The following MYRIP variants were observed in gnomAD, a reference collection of about 807,000 sequenced individuals.
MYRIP encodes myosin VIIA and Rab interacting protein, also known as rab effector MyRIP.
In MYRIP, 49 loss-of-function variants were observed where a neutral mutation model predicts 98.0. The ratio of observed to expected loss-of-function variants is 0.50; its 90% CI spans 0.40 to 0.63. MYRIP has a LOEUF of 0.63. Among genes scored for constraint, MYRIP ranks in the 30% least tolerant of loss-of-function variants. The pLI is 0.00. For synonymous variants in MYRIP, 404 were observed against 409.5 expected (o/e 0.99, Z 0.16); for missense variants, 1,004 against 1,058.2 (o/e 0.95, Z 0.71).
intron 2 of MYRIP, among the ~76,000 whole-genome samples, chr3:39,942,312 C>T (rs1236973100): frequency 5.9e-5 from 9 of 152,134 alleles, no homozygotes; most frequent in Admixed American, 5.2e-4. Context: ...AAGCAGTAAA[C>T]TCTTGGGACT....
At chr3:40,135,592 A>G (rs1486156810) in intron 3 of MYRIP, among the ~76,000 whole-genome samples, 3 of 152,240 alleles carry the variant, frequency 2.0e-5, no homozygotes, top group African/African-American at 7.2e-5. Context: ...CAGATTCACC[A>G]AACTTGAAAT....
At chr3:40,238,440 T>A (rs569587021) in intron 12 of MYRIP, among the ~76,000 whole-genome samples, 106 of 152,342 alleles carry the variant, frequency 7.0e-4, no homozygotes, top group Non-Finnish European at 1.1e-3. Context: ...TAAAGAACAG[T>A]CCTGCACTCC....
intron 3 of MYRIP, among the ~76,000 whole-genome samples, chr3:40,135,426 C>T (rs933322276): frequency 2.0e-5 from 3 of 152,152 alleles, no homozygotes; most frequent in Non-Finnish European, 2.9e-5. Flanking sequence ...CTGAAAGTGA[C>T]GGGAAGAATG....
intron 2 of MYRIP, among the ~76,000 whole-genome samples, chr3:39,903,556 G>A (rs1013393629): frequency 3.3e-5 from 5 of 152,126 alleles, no homozygotes; most frequent in Admixed American, 2.6e-4. Context: ...TGAATTAAGT[G>A]TCCTCAGAAC....
At position 40,210,743 on chromosome 3, in the gene MYRIP, C is replaced by T. The variant is rs908488475; in HGVS notation, c.1905+650C>T. ...ACTCCTCCTCCCCTTTTCCTACCCC[C>T]AGTAGGCCCCTGAGTTCCAAAGGAC... On this transcript the variant is annotated intron_variant, in intron 11 of 16. Coordinates refer to ENST00000302541, the MANE Select transcript of MYRIP (RefSeq NM_015460.4). 9.2e-5 allele frequency among the ~76,000 whole-genome samples: 14 copies of T among 152,302 alleles called. No homozygotes were observed. The East Asian group carries it at 2.3e-3, about 25-fold the overall frequency.
At chr3:39,900,198 C>T (rs938190268) in intron 1 of MYRIP, among the ~76,000 whole-genome samples, 1 of 152,168 alleles carries the variant, frequency 6.6e-6, no homozygotes, top group African/African-American at 2.4e-5. Flanking sequence ...ACAATATCAT[C>T]TTTGCTGCTG....
At chr3:39,897,123 T>C (rs1426670740) in intron 1 of MYRIP, among the ~76,000 whole-genome samples, 1 of 152,244 alleles carries the variant, frequency 6.6e-6, no homozygotes, top group Non-Finnish European at 1.5e-5. Context: ...CATCATTGCT[T>C]TGACTTAGTG....
intron 3 of MYRIP, among the ~76,000 whole-genome samples, chr3:40,110,639 C>G (rs2125901014): frequency 6.6e-6 from 1 of 152,244 alleles, no homozygotes; most frequent in East Asian, 1.9e-4. Flanking sequence ...CACGGGAGGC[C>G]TGGGCACCCT....
In MYRIP at chr3:40,203,953, T is replaced by C. The variant is rs1951672340; in HGVS notation, c.1666-5901T>C. On this transcript the variant is annotated intron_variant, in intron 10 of 16. Coordinates refer to ENST00000302541, the MANE Select transcript of MYRIP (RefSeq NM_015460.4). ...AATATAATATATATTATATATATTA[T>C]ATATTATATACATTATATATATTAT... Among the ~76,000 whole-genome samples the C allele has an allele frequency of 2.8e-4, 4 of 14,452 alleles. 2 individuals carry two copies. The highest frequency in any genetic ancestry group is 4.7e-4 in the Non-Finnish European group (4 of 8,490). 9.5% of individuals were successfully genotyped at this position (14,452 alleles called of 152,430 possible).
chr3:39,878,986 A>C (rs1943091712), intron 1 of MYRIP, among the ~76,000 whole-genome samples: 1 of 151,880 alleles, frequency 6.6e-6, no homozygotes, highest in Non-Finnish European at 1.5e-5. Flanking sequence ...GAATCACTTG[A>C]ACCTGGGAGG....
chr3:40,082,998 A>G (rs1948513644), intron 3 of MYRIP, among the ~76,000 whole-genome samples: 2 of 152,214 alleles, frequency 1.3e-5, no homozygotes, highest in South Asian at 2.1e-4. Flanking sequence ...ATTATCTTAC[A>G]TTTAACGGAC....
At chr3:40,184,609 AAAAC>A (rs1390607759) in intron 9 of MYRIP, among the ~76,000 whole-genome samples, 2 of 152,240 alleles carry the variant, frequency 1.3e-5, no homozygotes, top group African/African-American at 4.8e-5. Context: ...AAACAAACAA[AAAAC>A]AAACAAAAAT....
At chr3:40,073,327 TG>T (rs1948269333) in intron 3 of MYRIP, among the ~76,000 whole-genome samples, 1 of 152,200 alleles carries the variant, frequency 6.6e-6, no homozygotes, top group Non-Finnish European at 1.5e-5. Context: ...GAGAGTGGGC[TG>T]GCCTGGCTGG....
At chr3:40,244,680 C>T (rs570126448) in intron 13 of MYRIP, 73 bp downstream of exon 13, 3 of 1,463,646 alleles carry the variant, frequency 2.0e-6, no homozygotes, top group Admixed American at 2.3e-5. Flanking sequence ...ACAAGAATCA[C>T]TTTAAAGCCA....
At chr3:39,907,292 TA>T (rs902963632) in intron 2 of MYRIP, among the ~76,000 whole-genome samples, 2 of 152,200 alleles carry the variant, frequency 1.3e-5, no homozygotes, top group Admixed American at 1.3e-4. Context: ...TTAAAATAAG[TA>T]AATAGACTGT....
At chr3:39,934,625 T>A (rs184317881) in intron 2 of MYRIP, among the ~76,000 whole-genome samples, 1 of 152,172 alleles carries the variant, frequency 6.6e-6, no homozygotes, top group Non-Finnish European at 1.5e-5. Flanking sequence ...CAGGATCTGA[T>A]GAGAAGCTTT....
intron 12 of MYRIP, among the ~76,000 whole-genome samples, chr3:40,238,150 TTCCTTC>T (rs1952873943): frequency 6.6e-6 from 1 of 152,244 alleles, no homozygotes; most frequent in African/African-American, 2.4e-5. Flanking sequence ...AACTGCCTTC[TTCCTTC>T]TCCTTCCCTT....
At chr3:40,078,332 G>T (rs1055626949) in intron 3 of MYRIP, among the ~76,000 whole-genome samples, 8 of 152,210 alleles carry the variant, frequency 5.3e-5, no homozygotes. Context: ...CTGCGAGCCG[G>T]CTCTGGCCTT....
At chr3:39,870,644 C>A (rs1942760462) in intron 1 of MYRIP, among the ~76,000 whole-genome samples, 1 of 152,066 alleles carries the variant, frequency 6.6e-6, no homozygotes, top group Non-Finnish European at 1.5e-5. Context: ...CAAAGGAAAT[C>A]AAAATATAAA....
Sources: allele counts gnomAD v4.1 joint callset (sites outside exome capture counted in the v4.1 genomes callset), GRCh38; gene constraint gnomAD v4.1.1; transcripts MANE v1.5; gene names NCBI Gene and HGNC (gene_info 2026-07-23, HGNC 2026-07-21).